PCDHA7: variants seen among roughly 807,000 people sequenced by gnomAD.
PCDHA7 encodes protocadherin alpha-7.
In PCDHA7, 37 loss-of-function variants were observed where a neutral mutation model predicts 57.2. The ratio of observed to expected loss-of-function variants is 0.65; its 90% CI spans 0.50 to 0.85. PCDHA7 has a LOEUF of 0.85. PCDHA7 is among the 40% of genes least tolerant of loss of function. The pLI, the probability that PCDHA7 is intolerant of heterozygous loss-of-function variation, is 0.00. For synonymous variants in PCDHA7, 553 were observed against 558.8 expected (o/e 0.99, Z 0.15); for missense variants, 1,188 against 1,241.8 (o/e 0.96, Z 0.65).
intron 3 of PCDHA7, among the ~76,000 whole-genome samples, chr5:141,008,882 A>G (rs2098393885): frequency 6.6e-6 from 1 of 152,170 alleles, no homozygotes; most frequent in Non-Finnish European, 1.5e-5. Flanking sequence ...ACCACCCTTC[A>G]ATGTTATTAC....
Position 140,843,144 on chromosome 5 carries a change from C to T in PCDHA7, c.2355+6406C>T, listed in dbSNP as rs1554139783. ...GACTCGGGCTACAACGCGTGGCTTT[C>T]GTATGAGCTGCAGCCAGCTGCAAGC... On this transcript the variant is annotated intron_variant, in intron 1 of 3. Transcript: ENST00000525929. The T allele has an allele frequency of 2.4e-5, 39 of 1,596,036 alleles. 4 individuals are homozygous for T. Among genetic ancestry groups the T allele is most frequent in the Non-Finnish European group, 3.3e-5 (39 of 1,165,590 alleles).
At chr5:140,907,857 G>C (rs1554193158) in intron 1 of PCDHA7, among the ~76,000 whole-genome samples, 1 of 152,210 alleles carries the variant, frequency 6.6e-6, no homozygotes, top group Non-Finnish European at 1.5e-5. Flanking sequence ...CTCTGCTGAG[G>C]CCAGCCGTTG....
intron 3 of PCDHA7, 111 bp downstream of exon 3, chr5:140,982,674 A>G (rs1399250735): frequency 3.4e-6 from 5 of 1,450,700 alleles, no homozygotes; most frequent in Admixed American, 2.7e-5. Context: ...TATTTTTGTT[A>G]TTCCCTTTTT....
intron 3 of PCDHA7, among the ~76,000 whole-genome samples, chr5:140,987,154 C>T (rs1404083891): frequency 6.6e-6 from 1 of 150,704 alleles, no homozygotes; most frequent in Non-Finnish European, 1.5e-5. Flanking sequence ...GTGGAGGTTG[C>T]AGTGAGCTGA....
intron 1 of PCDHA7, among the ~76,000 whole-genome samples, chr5:140,932,553 C>T (rs1288415511): frequency 6.6e-6 from 1 of 151,798 alleles, no homozygotes; most frequent in African/African-American, 2.4e-5. Context: ...AACATACATT[C>T]CACAAGTAGA....
chr5:141,009,062 A>G (rs1466818539), intron 3 of PCDHA7, among the ~76,000 whole-genome samples: 1 of 152,240 alleles, frequency 6.6e-6, no homozygotes, highest in East Asian at 1.9e-4. Context: ...TCACAACTGT[A>G]TTCTTTAGGA....
At chr5:140,898,870 C>T (rs1477095887) in intron 1 of PCDHA7, among the ~76,000 whole-genome samples, 3 of 151,586 alleles carry the variant, frequency 2.0e-5, no homozygotes, top group South Asian at 4.2e-4. Context: ...TTTCATTGAG[C>T]AGTGGTTTGT....
intron 1 of PCDHA7, chr5:140,856,086 T>C (rs1554148156): frequency 1.9e-6 from 3 of 1,596,442 alleles, no homozygotes; most frequent in Non-Finnish European, 2.6e-6. Flanking sequence ...GTCCAGTGTC[T>C]GCTGCTCTCG....
chr5:140,941,185 CTTT>C (rs782102770), intron 1 of PCDHA7, among the ~76,000 whole-genome samples: 1 of 102,176 alleles, frequency 9.8e-6, no homozygotes, highest in Admixed American at 9.9e-5. Flanking sequence ...CATCCTGCTT[CTTT>C]TTTTTTCTTT....
At chr5:140,910,794 T>A (rs1431401808) in intron 1 of PCDHA7, among the ~76,000 whole-genome samples, 5 of 152,166 alleles carry the variant, frequency 3.3e-5, no homozygotes, top group Non-Finnish European at 7.3e-5. Flanking sequence ...AAATGCAGAA[T>A]CCCTGCTTAG....
intron 2 of PCDHA7, among the ~76,000 whole-genome samples, chr5:140,979,231 C>T (rs1203154373): frequency 6.6e-6 from 1 of 152,186 alleles, no homozygotes; most frequent in Non-Finnish European, 1.5e-5. Context: ...TCTGTAAAAT[C>T]ACAGAAACAG....
intron 1 of PCDHA7, among the ~76,000 whole-genome samples, chr5:140,887,688 G>GA (rs1453843716): frequency 4.2e-4 from 64 of 151,926 alleles, no homozygotes; most frequent in Middle Eastern, 3.2e-3. Context: ...TCAAATTCAG[G>GA]AAAAAATCAA....
At chr5:140,918,302 G>A (rs1382712359) in intron 1 of PCDHA7, among the ~76,000 whole-genome samples, 1 of 152,048 alleles carries the variant, frequency 6.6e-6, no homozygotes, top group African/African-American at 2.4e-5. Context: ...GAGAATATAG[G>A]GTTTTCTAGG....
chr5:140,836,951 G>GT, intron 1 of PCDHA7: 1 of 428,426 alleles, frequency 2.3e-6, no homozygotes, highest in Non-Finnish European at 4.0e-6. Context: ...AAAATCTATG[G>GT]TTTATGTTGG....
chr5:140,967,293 A>T, intron 1 of PCDHA7: 1 of 1,612,824 alleles, frequency 6.2e-7, no homozygotes. Flanking sequence ...CAGGACCCCG[A>T]CGTGGGCGCC....
intron 1 of PCDHA7, among the ~76,000 whole-genome samples, chr5:140,937,010 C>A (rs2091260078): frequency 6.6e-6 from 1 of 151,324 alleles, no homozygotes; most frequent in Non-Finnish European, 1.5e-5. Context: ...GACAGACAAC[C>A]GATTAACAAG....
intron 1 of PCDHA7, among the ~76,000 whole-genome samples, chr5:140,953,431 G>A (rs782512202): frequency 6.6e-5 from 10 of 152,088 alleles, no homozygotes; most frequent in Non-Finnish European, 1.2e-4. Flanking sequence ...TTGTCCTTAA[G>A]CTGGAGAAAC....
At chr5:140,870,029 A>T (rs1201766971) in intron 1 of PCDHA7, 4 of 1,613,792 alleles carry the variant, frequency 2.5e-6, no homozygotes, top group Non-Finnish European at 3.4e-6. Flanking sequence ...ACTTTAGATT[A>T]TGAAGAAAAC....
intron 1 of PCDHA7, chr5:140,853,653 C>G: frequency 3.0e-6 from 3 of 988,604 alleles, no homozygotes; most frequent in Non-Finnish European, 3.7e-6. Flanking sequence ...TGAGCCTGTT[C>G]CAGACAAATT....
Sources: allele counts gnomAD v4.1 joint callset (sites outside exome capture counted in the v4.1 genomes callset), GRCh38; gene constraint gnomAD v4.1.1; transcripts MANE v1.5; gene names NCBI Gene and HGNC (gene_info 2026-07-23, HGNC 2026-07-21).